Variants in USP34 observed in about 807,000 individuals in gnomAD.
The protein encoded by USP34 is ubiquitin carboxyl-terminal hydrolase 34.
A neutral mutation model predicts 460.3 loss-of-function variants in USP34; 70 were observed. The observed-to-expected ratio is 0.15, with a 90% CI of 0.13 to 0.19. The LOEUF (loss-of-function observed/expected upper bound fraction) is 0.19, where lower values mean the gene tolerates loss of function less well. Ranked by LOEUF, USP34 falls within the 10% of genes least tolerant of loss-of-function variation. USP34 has a pLI of 1.00. For synonymous variants in USP34, 1,647 were observed against 1,405.3 expected, an observed-to-expected ratio of 1.17 and a Z score of -3.85; for missense variants, 3,985 against 4,236.2, an observed-to-expected ratio of 0.94 and a Z score of 1.65.
chr2:61,397,336 G>A (rs937214847), intron 3 of USP34, among the ~76,000 whole-genome samples: 21 of 151,640 alleles, frequency 1.4e-4, no homozygotes, highest in Non-Finnish European at 1.5e-5. Context: ...CCAGCTACTT[G>A]GGAGGCTGAT....
In USP34 at chr2:61,218,805, G is replaced by T. The variant is rs543070189; in HGVS notation, c.8047+1505C>A. Among the ~76,000 whole-genome samples the T allele has an allele frequency of 2.0e-5, 3 of 152,314 alleles. No homozygotes were observed. The Middle Eastern group carries it at 0.01, about 522-fold the overall frequency. On this transcript the variant is annotated intron_variant, in intron 67 of 79. Coordinates refer to ENST00000398571, the MANE Select transcript of USP34 (RefSeq NM_014709.4). ...GGTTTTTGGAAGGAAGACCACAAGAGATGAAGTGCCCTTTGCCATCACGCC... is the reference window on the plus strand; with the variant it reads ...GGTTTTTGGAAGGAAGACCACAAGATATGAAGTGCCCTTTGCCATCACGCC...
intron 53 of USP34, among the ~76,000 whole-genome samples, chr2:61,237,587 AG>A (rs1354313067): frequency 1.6e-5 from 2 of 122,672 alleles, no homozygotes; most frequent in Non-Finnish European, 3.3e-5. Context: ...TTTTTTTTAA[AG>A]ACAGGGTCTC....
intron 18 of USP34, among the ~76,000 whole-genome samples, chr2:61,338,322 A>T (rs1438575444): frequency 1.3e-5 from 2 of 152,192 alleles, no homozygotes; most frequent in African/African-American, 4.8e-5. Flanking sequence ...CTCCATGTCC[A>T]AAAAAACAAA....
Position 61,256,969 on chromosome 2 carries a change from A to T in USP34, c.6049-19T>A, listed in dbSNP as rs767806501. On this transcript the variant is annotated intron_variant, in intron 46 of 79. Transcript: ENST00000398571. The stretch of plus-strand genomic sequence containing the variant: ...CACAATCCTAATCAATACACATAAA[A>T]AATTAATAAAAACTAGTAAATTATA... 4.6e-4 allele frequency: 677 copies of T among 1,457,972 alleles called. 2 individuals carry two copies. Among genetic ancestry groups the T allele is most frequent in the Non-Finnish European group, 5.8e-4 (640 of 1,104,948 alleles). 90.3% of individuals were successfully genotyped at this position (1,457,972 alleles called of 1,614,324 possible).
intron 21 of USP34, among the ~76,000 whole-genome samples, chr2:61,322,135 C>A (rs979889406): frequency 6.6e-6 from 1 of 152,068 alleles, no homozygotes; most frequent in Non-Finnish European, 1.5e-5. Flanking sequence ...GAGGCTGAGG[C>A]AGGAGAATCG....
chr2:61,313,601 T>A (rs1178916117), intron 25 of USP34, among the ~76,000 whole-genome samples: 1 of 152,148 alleles, frequency 6.6e-6, no homozygotes, highest in Non-Finnish European at 1.5e-5. Context: ...CCACATTTGC[T>A]CTTTTTAAAA....
In USP34 at chr2:61,453,325, G is replaced by C. The variant is rs1695339583; in HGVS notation, c.43+17325C>G. ...GCTACTCAGGAGGCTAAGATGGGAG[G>C]ACTGCTTAAGCCTGGAAAGTAGCGT... On this transcript the variant is annotated intron_variant, in intron 1 of 79. Transcript: ENST00000398571. 3.3e-5 allele frequency among the ~76,000 whole-genome samples: 5 copies of C among 150,176 alleles called. 1 individual carries two copies. Among genetic ancestry groups the C allele is most frequent in the Non-Finnish European group, 5.9e-5 (4 of 67,532 alleles).
At chr2:61,399,423 G>A (rs1693642255) in intron 3 of USP34, among the ~76,000 whole-genome samples, 1 of 151,890 alleles carries the variant, frequency 6.6e-6, no homozygotes, top group Non-Finnish European at 1.5e-5. Flanking sequence ...GGTGATTCAG[G>A]GGAACTGTTT....
Position 61,348,267 on chromosome 2 carries a change from C to A in USP34, c.1888G>T (p.Gly630Cys), listed in dbSNP as rs763566645. 1.9e-6 allele frequency: 3 copies of A among 1,614,186 alleles called. No homozygotes were observed. The highest frequency in any genetic ancestry group is 2.5e-6 in the Non-Finnish European group (3 of 1,180,014). ...LKEEDEDDDH[G>C]HNPPKSSCGT... ...CAACTGCTTTTGGGAGGATTATGAC[C>A]ATGATCATCGTCTTCATCTTCCTCT... The change falls in exon 15 of 80, where the codon GGT (glycine) becomes TGT (cysteine). Residue 630 changes from glycine (G) to cysteine (C), a missense_variant. Transcript: ENST00000398571.
At position 61,206,000 on chromosome 2, in the gene USP34, T is replaced by A; in HGVS notation, c.9154+17A>T. On this transcript the variant is annotated intron_variant, in intron 72 of 79. Coordinates refer to ENST00000398571, the MANE Select transcript of USP34 (RefSeq NM_014709.4). ...TCCACTAGGTTTTTACACGGGTGAA[T>A]TTTTCAAGTAACTTACCTATACAGG... The A allele has an allele frequency of 6.3e-7, 1 of 1,587,514 alleles. No homozygotes were observed. The highest frequency in any genetic ancestry group is 8.6e-7 in the Non-Finnish European group (1 of 1,157,160).
chr2:61,205,888 T>TA, intron 72 of USP34, 129 bp downstream of exon 72: 1 of 637,848 alleles, frequency 1.6e-6, no homozygotes, highest in Admixed American at 2.8e-5. Context: ...TAGGACCTGC[T>TA]AGCTAGTGTG....
chr2:61,193,892 G>C (rs1686715567), intron 75 of USP34, among the ~76,000 whole-genome samples: 1 of 152,224 alleles, frequency 6.6e-6, no homozygotes, highest in Non-Finnish European at 1.5e-5. Context: ...GAGGCAGTGT[G>C]AAGGCAGCCT....
chr2:61,193,365 T>TTA (rs1394729207), intron 75 of USP34: 2 of 97,234 alleles, frequency 2.1e-5, no homozygotes, highest in African/African-American at 7.5e-5. Context: ...AGGGGAAAGG[T>TTA]AAAAAAAAAA....
rs747421240 is a variant in USP34, at chr2:61,283,218, A to G, written c.4925T>C (p.Leu1642Ser). The change falls in exon 37 of 80, where the codon TTA (leucine) becomes TCA (serine). Residue 1642 changes from leucine (L) to serine (S), a missense_variant. Coordinates refer to ENST00000398571, the MANE Select transcript of USP34 (RefSeq NM_014709.4). ...LLVSWAHCCS[L>S]VKSSLADSDH... is the part of the protein sequence containing the mutation. ...GCTATCAGCAAGGCTAGATTTCACT[A>G]AAGAACAGCAATGAGCCCAACTCAC... is the stretch of plus-strand genomic sequence containing the variant. The G allele has an allele frequency of 2.0e-5, 33 of 1,613,636 alleles. 1 individual carries two copies. The highest frequency in any genetic ancestry group is 4.5e-5 in the East Asian group (2 of 44,802).
intron 10 of USP34, among the ~76,000 whole-genome samples, chr2:61,366,463 G>A (rs1050739642): frequency 1.3e-5 from 2 of 152,100 alleles, no homozygotes; most frequent in Admixed American, 1.3e-4. Context: ...AAAAACACGA[G>A]CAGCCAACAT....
chr2:61,287,653 T>C (rs981941434), intron 34 of USP34, among the ~76,000 whole-genome samples: 2 of 152,230 alleles, frequency 1.3e-5, no homozygotes, highest in Non-Finnish European at 2.9e-5. Context: ...ATATTTTCTC[T>C]TATGATTTTC....
chr2:61,462,397 A>G (rs1558609653), intron 1 of USP34, among the ~76,000 whole-genome samples: 1 of 151,718 alleles, frequency 6.6e-6, no homozygotes, highest in Non-Finnish European at 1.5e-5. Context: ...AAAAACACAA[A>G]TATTAGCTGG....
chr2:61,367,210 G>A (rs1159327063), intron 10 of USP34, among the ~76,000 whole-genome samples: 3 of 152,220 alleles, frequency 2.0e-5, no homozygotes, highest in African/African-American at 7.2e-5. Flanking sequence ...GCAGTGGCCA[G>A]ACTGTAACTC....
At chr2:61,330,378 G>GC (rs1291384710) in intron 20 of USP34, among the ~76,000 whole-genome samples, 5 of 152,110 alleles carry the variant, frequency 3.3e-5, no homozygotes, top group African/African-American at 7.2e-5. Context: ...CAAGTTTTAG[G>GC]CAAGTGGGAG....
Sources: gnomAD v4.1 joint callset for allele counts (sites outside exome capture counted in the v4.1 genomes callset) on GRCh38, gnomAD v4.1.1 for gene constraint, MANE v1.5 for transcripts, NCBI Gene and HGNC (gene_info 2026-07-23, HGNC 2026-07-21) for gene names.